Variants in PGAP6 observed in about 807,000 individuals in gnomAD.
PGAP6 encodes post-GPI attachment to proteins 6.
PGAP6 carries 62 observed loss-of-function variants against 68.4 expected under a neutral mutation model. The ratio of observed to expected loss-of-function variants is 0.91; its 90% CI spans 0.74 to 1.12. The LOEUF (loss-of-function observed/expected upper bound fraction) is 1.12, where lower values mean the gene tolerates loss of function less well. Ranked by LOEUF, PGAP6 falls within the 50% of genes most tolerant of loss-of-function variation. The probability of loss-of-function intolerance (pLI) is 0.00; values close to 1 mark genes in which losing one functional copy is unlikely to be tolerated. For missense variants in PGAP6, 1,188 were observed against 1,068.5 expected, an observed-to-expected ratio of 1.11 and a Z score of -1.56; for synonymous variants, 575 against 474.0, an observed-to-expected ratio of 1.21 and a Z score of -2.77.
chr16:376,235 C>T lies in PGAP6; in HGVS notation c.1125G>A (p.Ser375=), dbSNP rs762350382. 47 of 1,612,708 alleles carry T rather than the reference C, an allele frequency of 2.9e-5. 1 individual carries two copies. Among genetic ancestry groups the T allele is most frequent in the African/African-American group, 5.3e-5 (4 of 74,944 alleles). Residue 375 remains serine, a synonymous_variant, in exon 6 of 13, where the codon TCG becomes TCA. Coordinates refer to ENST00000431232, the MANE Select transcript of PGAP6 (RefSeq NM_021259.3). The part of the protein sequence containing the change: ...SVHFQPLDRV[S]VRVCSDTPSV... ...AGGGCGTGTCCGAACACACCCTCAC[C>T]GAGACCCTGTCCAGGGGCTGGAAGT...
chr16:373,805 G>C (rs544796572), intron 11 of PGAP6, among the ~76,000 whole-genome samples, 200 bp downstream of exon 11: 1 of 132,690 alleles, frequency 7.5e-6, no homozygotes, highest in Admixed American at 7.4e-5. Flanking sequence ...CACCATGCTC[G>C]GCCAAGGCAT....
chr16:382,323 C>A, upstream of PGAP6: 1 of 389,222 alleles, frequency 2.6e-6, no homozygotes, highest in Non-Finnish European at 4.5e-6. Flanking sequence ...CCGTGGCAGG[C>A]TCGGGGAGCC....
Position 376,639 on chromosome 16 carries a change from G to A in PGAP6, c.809C>T (p.Pro270Leu), listed in dbSNP as rs1313789364. The change falls in exon 5 of 13, where the codon CCC becomes CTC. Residue 270 changes from proline (P) to leucine (L), a missense_variant. Pro to Leu is a moderately conservative substitution (Grantham distance 98). Coordinates refer to ENST00000431232, the MANE Select transcript of PGAP6 (RefSeq NM_021259.3). ...CAGCCACCGGTCCCAGGGCGGTGAGGGCAGCAGCAGGCGGCAGGGCCAGGG... is the reference window on the plus strand; with the variant it reads ...CAGCCACCGGTCCCAGGGCGGTGAGAGCAGCAGCAGGCGGCAGGGCCAGGG... ...GAPWPCRLLL[P>L]SPPWDRWLQV... 6.2e-7 allele frequency: 1 copy of A among 1,606,844 alleles called. No individual in the cohort carries two copies. The highest frequency in any genetic ancestry group is 1.7e-5 in the Admixed American group (1 of 59,468).
intron 1 of PGAP6, among the ~76,000 whole-genome samples, chr16:379,075 T>C (rs962902975): frequency 6.6e-6 from 1 of 152,118 alleles, no homozygotes; most frequent in Non-Finnish European, 1.5e-5. Context: ...GCACATCCCT[T>C]TGGGGGCCCC....
rs1296955954 is a variant in PGAP6 at position 377,543 on chromosome 16, G to C, written c.342C>G (p.Gly114=). The change falls in exon 3 of 13, where the codon GGC becomes GGG. Residue 114 remains glycine (G), a synonymous_variant. Transcript: ENST00000431232. ...CCGCGGTGTCGTCCGGGAAGCTGGT[G>C]CCCAGCGGGTTGATGACCGGAGGGG... ...SGAPPVINPL[G]TSFPDDTAVQ... 1 of 1,589,796 alleles carries C rather than the reference G, an allele frequency of 6.3e-7. No homozygotes were observed. Among genetic ancestry groups the C allele is most frequent in the Non-Finnish European group, 8.6e-7 (1 of 1,168,678 alleles).
intron 11 of PGAP6, among the ~76,000 whole-genome samples, chr16:373,283 C>G (rs2141756460): frequency 6.6e-6 from 1 of 152,348 alleles, no homozygotes; most frequent in South Asian, 2.1e-4. Context: ...CCTGCAGTTC[C>G]CAGAGCAGAT....
At position 381,730 on chromosome 16, in the gene PGAP6, G is replaced by A; in HGVS notation, c.92C>T (p.Pro31Leu). ...LLLLLLARPP[P>L]ASAGYSGKSE... ...CTTCCCGCTGTAGCCGGCGGAGGCA[G>A]GCGGGGGCCGGGCAAGCAGCAGCAG... is the stretch of plus-strand genomic sequence containing the variant. The change falls in exon 1 of 13, where the codon CCT becomes CTT. Residue 31 changes from proline (P) to leucine (L), a missense_variant. Coordinates refer to ENST00000431232, the MANE Select transcript of PGAP6 (RefSeq NM_021259.3). The A allele has an allele frequency of 1.6e-6, 2 of 1,213,490 alleles. No homozygotes were observed. The highest frequency in any genetic ancestry group is 2.1e-6 in the Non-Finnish European group (2 of 975,006). 75.2% of individuals were successfully genotyped at this position (1,213,490 alleles called of 1,614,324 possible).
rs1443771510 is a variant in PGAP6, at chr16:374,608, G to A, written c.1576+148C>T. Reference sequence around the variant, plus strand: ...GCAGACGGATTGTTGGTGGGGAATGGGGGAGTGGGGAGGAGGCTTTGCCCC... The same window carrying A: ...GCAGACGGATTGTTGGTGGGGAATGAGGGAGTGGGGAGGAGGCTTTGCCCC... On this transcript the variant is annotated intron_variant, in intron 9 of 12. Coordinates refer to ENST00000431232, the MANE Select transcript of PGAP6 (RefSeq NM_021259.3). 8 of 1,199,084 alleles carry A rather than the reference G, an allele frequency of 6.7e-6. No individual in the cohort carries two copies. The Middle Eastern group carries it at 1.1e-3, about 171-fold the overall frequency. The allele number at this position is 1,199,084 out of a possible 1,614,324, so 74.3% of individuals were successfully genotyped here. A position where few individuals can be genotyped will look rare whatever the true frequency, so the allele number is the denominator to read the frequency against.
upstream of PGAP6, chr16:386,728 A>AAACC: frequency 1.1e-5 from 1 of 90,358 alleles, no homozygotes; most frequent in Non-Finnish European, 1.8e-5. Context: ...AAAAAAACCA[A>AAACC]AAAAAAAAAA....
In PGAP6 at chr16:372,178, A is replaced by C; in HGVS notation, c.2125T>G (p.Tyr709Asp). The change falls in exon 13 of 13, where the codon TAC becomes GAC. Residue 709 changes from tyrosine (Y) to aspartate (D), a missense_variant. Transcript: ENST00000431232. ...VSMASVGIAI[Y>D]TSMMTSDNYY... ...TTGTCGCTAGTCATCATGGAGGTGT[A>C]GATGGCGATGCCCACAGAGGCCATA... 1 of 1,612,850 alleles carries C rather than the reference A, an allele frequency of 6.2e-7. No homozygotes were observed. Among genetic ancestry groups the C allele is most frequent in the Middle Eastern group, 1.6e-4 (1 of 6,062 alleles).
In PGAP6 at chr16:371,100, T is replaced by G. The variant is rs1391578736; in HGVS notation, c.*887A>C. The G allele has an allele frequency of 1.3e-5, 2 of 152,206 alleles. No homozygotes were observed. Among genetic ancestry groups the G allele is most frequent in the African/African-American group, 4.8e-5 (2 of 41,382 alleles). The allele number at this position is 152,206 out of a possible 1,614,324, so 9.4% of individuals were successfully genotyped here. ...GGCGGATCCGAGACACTCACAGGCC[T>G]CAGGGAGGGGCCAGGTGCTGCTCCT... On this transcript the variant is annotated 3_prime_UTR_variant, in exon 13 of 13. Coordinates refer to ENST00000431232, the MANE Select transcript of PGAP6 (RefSeq NM_021259.3).
Position 377,861 on chromosome 16 carries a change from G to A in PGAP6, c.122-13C>T, listed in dbSNP as rs771302943. ...ACCAGCCCCACCTCTGTGAGGAGAA[G>A]GAGGTGTCAGCCAGGCCGGGACCCT... On this transcript the variant is annotated splice_polypyrimidine_tract_variant and intron_variant, in intron 1 of 12. Transcript: ENST00000431232. 1.4e-5 allele frequency: 22 copies of A among 1,547,884 alleles called. No homozygotes were observed. Among genetic ancestry groups the A allele is most frequent in the Non-Finnish European group, 1.7e-5 (20 of 1,145,634 alleles).
upstream of PGAP6, among the ~76,000 whole-genome samples, chr16:383,841 GAGGGTTT>G (rs887344126): frequency 6.0e-5 from 8 of 134,260 alleles, no homozygotes; most frequent in Non-Finnish European, 1.2e-4. Context: ...AGCGGGTGGT[GAGGGTTT>G]ACGGAGCGGG....
At position 381,943 on chromosome 16, in the gene PGAP6, G is replaced by T; in HGVS notation, c.-122C>A. 1 of 972,256 alleles carries T rather than the reference G, an allele frequency of 1.0e-6. No individual in the cohort carries two copies. Among genetic ancestry groups the T allele is most frequent in the Non-Finnish European group, 1.2e-6 (1 of 819,752 alleles). The allele number at this position is 972,256 out of a possible 1,614,324, so 60.2% of individuals were successfully genotyped here. A position where few individuals can be genotyped will look rare whatever the true frequency, so the allele number is the denominator to read the frequency against. ...TCCGCCTCTGCCCCCGGCGCCCATG[G>T]CCCGGCCGGTCCCCGCCGCCGTCGC... On this transcript the variant is annotated 5_prime_UTR_variant, in exon 1 of 13. Coordinates refer to ENST00000431232, the MANE Select transcript of PGAP6 (RefSeq NM_021259.3).
At position 372,722 on chromosome 16, in the gene PGAP6, C is replaced by G. The variant is rs1201621662; in HGVS notation, c.1908G>C (p.Leu636=). The change falls in exon 12 of 13, where the codon CTG becomes CTC. Residue 636 remains leucine, a synonymous_variant. Coordinates refer to ENST00000431232, the MANE Select transcript of PGAP6 (RefSeq NM_021259.3). ...ARLKTVLKYV[L]FLLGTLVIAM... Reference sequence around the variant, plus strand: ...CGATGACCAGTGTACCCAGAAGAAACAGCACCTGCGCAAGACACAGGGATG... The same window carrying G: ...CGATGACCAGTGTACCCAGAAGAAAGAGCACCTGCGCAAGACACAGGGATG... The G allele has an allele frequency of 3.7e-6, 6 of 1,608,926 alleles. No individual in the cohort carries two copies. The highest frequency in any genetic ancestry group is 1.3e-5 in the African/African-American group (1 of 74,936).
intron 1 of PGAP6, among the ~76,000 whole-genome samples, chr16:378,277 C>CTG (rs2054406965): frequency 6.9e-6 from 1 of 145,644 alleles, no homozygotes; most frequent in African/African-American, 2.6e-5. Context: ...CATCCCCACC[C>CTG]ACACTGCCAT....
chr16:372,425 G>A, intron 12 of PGAP6, 142 bp from the exon 13 acceptor site: 1 of 1,044,564 alleles, frequency 9.6e-7, no homozygotes, highest in Non-Finnish European at 1.4e-6. Context: ...GGGGCTCAAG[G>A]CCACTGGTCC....
At position 372,680 on chromosome 16, in the gene PGAP6, C is replaced by T; in HGVS notation, c.1950G>A (p.Leu650=). 1 of 1,612,484 alleles carries T rather than the reference C, an allele frequency of 6.2e-7. No homozygotes were observed. Among genetic ancestry groups the T allele is most frequent in the Non-Finnish European group, 8.5e-7 (1 of 1,179,830 alleles). Residue 650 remains leucine (L), a synonymous_variant, in exon 12 of 13, where the codon CTG becomes CTA. Transcript: ENST00000431232. ...GTLVIAMSLQ[L]DRRGMWNMLG... ...GCATGTTCCACATGCCCCTGCGGTC[C>T]AGCTGCAAGGACATGGCGATGACCA...
chr16:376,902 T>C (rs566794259), intron 4 of PGAP6, 90 bp from the exon 5 acceptor site: 2 of 1,564,120 alleles, frequency 1.3e-6, no homozygotes, highest in South Asian at 1.2e-5. Flanking sequence ...CTCAGCCCAC[T>C]CTGGTGGGGG....
Sources: gnomAD v4.1 joint callset for allele counts (sites outside exome capture counted in the v4.1 genomes callset) on GRCh38, gnomAD v4.1.1 for gene constraint, MANE v1.5 for transcripts, NCBI Gene and HGNC (gene_info 2026-07-23, HGNC 2026-07-21) for gene names.